The following SCFD2 variants were observed in gnomAD, a reference collection of about 807,000 sequenced individuals.
SCFD2 encodes the protein sec1 family domain containing 2.
Under a neutral mutation model 58.9 loss-of-function variants are expected in SCFD2, and 54 were observed. The observed-to-expected ratio is 0.92, with a 90% CI of 0.74 to 1.15. The LOEUF (loss-of-function observed/expected upper bound fraction) is 1.15. Ranked by LOEUF, SCFD2 falls within the 50% of genes most tolerant of loss-of-function variation. SCFD2 has a pLI of 0.00. For missense variants in SCFD2, 805 were observed against 836.6 expected (o/e 0.96, Z 0.47); for synonymous variants, 321 against 335.9 (o/e 0.96, Z 0.49).
intron 5 of SCFD2, among the ~76,000 whole-genome samples, chr4:53,113,055 C>T (rs1288814521): frequency 2.0e-5 from 3 of 152,094 alleles, no homozygotes; most frequent in African/African-American, 7.2e-5. Flanking sequence ...TTGAGTTACT[C>T]TGTTTACTCT....
intron 4 of SCFD2, among the ~76,000 whole-genome samples, chr4:53,159,645 C>A (rs1014178173): frequency 6.6e-6 from 1 of 152,174 alleles, no homozygotes; most frequent in African/African-American, 2.4e-5. Flanking sequence ...AGCCCAAAGT[C>A]TCAGTCAAAG....
At chr4:53,186,137 A>T (rs572501347) in intron 4 of SCFD2, among the ~76,000 whole-genome samples, 1 of 152,256 alleles carries the variant, frequency 6.6e-6, no homozygotes, top group East Asian at 1.9e-4. Context: ...CTTGATCTTT[A>T]TGACAGTCCT....
chr4:53,197,724 G>A (rs1333610583), intron 4 of SCFD2, among the ~76,000 whole-genome samples: 2 of 117,822 alleles, frequency 1.7e-5, no homozygotes, highest in Admixed American at 1.0e-4. Context: ...GTTCTTTATT[G>A]TAAATATGAC....
intron 3 of SCFD2, among the ~76,000 whole-genome samples, chr4:53,303,505 G>T (rs138891649): frequency 0.015 from 2,261 of 152,246 alleles, 55 homozygotes; most frequent in African/African-American, 0.052. Context: ...CTGTTGGTGG[G>T]ACTGTAAACT....
chr4:53,250,203 A>G (rs1033855966), intron 4 of SCFD2, among the ~76,000 whole-genome samples: 2 of 152,220 alleles, frequency 1.3e-5, no homozygotes, highest in Non-Finnish European at 1.5e-5. Flanking sequence ...AGAGACAAAG[A>G]AGGCCGTTAC....
At chr4:53,007,336 G>A (rs1721995448) in intron 5 of SCFD2, among the ~76,000 whole-genome samples, 1 of 122,932 alleles carries the variant, frequency 8.1e-6, no homozygotes, top group East Asian at 2.4e-4. Flanking sequence ...GAGAGAGAGG[G>A]AGAGAGAGAG....
At chr4:53,112,981 T>G (rs1208741822) in intron 5 of SCFD2, among the ~76,000 whole-genome samples, 1 of 152,042 alleles carries the variant, frequency 6.6e-6, no homozygotes, top group Non-Finnish European at 1.5e-5. Context: ...CCTCTTAAGG[T>G]CTCTTACTGG....
At chr4:52,968,122 G>T (rs1721003742) in intron 5 of SCFD2, among the ~76,000 whole-genome samples, 1 of 151,970 alleles carries the variant, frequency 6.6e-6, no homozygotes. Flanking sequence ...CACCACCCTT[G>T]CAGGGGAATC....
chr4:53,056,503 C>T (rs1326613709), intron 5 of SCFD2, among the ~76,000 whole-genome samples: 2 of 152,202 alleles, frequency 1.3e-5, no homozygotes, highest in East Asian at 3.9e-4. Flanking sequence ...TATGTTTTAT[C>T]CACAACAAAT....
intron 5 of SCFD2, among the ~76,000 whole-genome samples, chr4:53,057,156 C>G (rs188531513): frequency 6.6e-6 from 1 of 152,166 alleles, no homozygotes; most frequent in Non-Finnish European, 1.5e-5. Context: ...CTGCATGCAG[C>G]CTGGGTATAT....
In SCFD2 at chr4:52,903,118, C is replaced by A. The variant is rs530949428; in HGVS notation, c.1842+4339G>T. On this transcript the variant is annotated intron_variant, in intron 7 of 8. Coordinates refer to ENST00000401642, the MANE Select transcript of SCFD2 (RefSeq NM_152540.4). ...TGAATTTCTCAGTCTACAAAATACACCCCTTTATTTCTGTTCTGTTCTCTA... is the reference window on the plus strand; with the variant it reads ...TGAATTTCTCAGTCTACAAAATACAACCCTTTATTTCTGTTCTGTTCTCTA... 2.0e-5 allele frequency among the ~76,000 whole-genome samples: 3 copies of A among 152,306 alleles called. No homozygotes were observed. In the East Asian group the frequency reaches 5.8e-4, roughly 29 times the overall value.
intron 5 of SCFD2, among the ~76,000 whole-genome samples, chr4:52,946,746 G>A (rs563303727): frequency 1.3e-5 from 2 of 152,184 alleles, no homozygotes; most frequent in African/African-American, 4.8e-5. Context: ...TACCAGGATT[G>A]GAACCTCCTA....
intron 5 of SCFD2, among the ~76,000 whole-genome samples, chr4:53,037,275 CCATTTTAAG>C (rs1223205302): frequency 6.6e-6 from 1 of 151,902 alleles, no homozygotes; most frequent in East Asian, 1.9e-4. Flanking sequence ...TATGGTGATT[CCATTTTAAG>C]GACTATATGA....
chr4:52,897,513 G>C (rs529426921), intron 7 of SCFD2, among the ~76,000 whole-genome samples: 18 of 152,306 alleles, frequency 1.2e-4, no homozygotes, highest in African/African-American at 4.1e-4. Context: ...AAGCCCAGTT[G>C]ATCATGGTGG....
At chr4:53,018,848 A>G (rs1722277859) in intron 5 of SCFD2, among the ~76,000 whole-genome samples, 1 of 152,188 alleles carries the variant, frequency 6.6e-6, no homozygotes. Context: ...CCTTTAGACT[A>G]AGGATAGCCA....
intron 3 of SCFD2, among the ~76,000 whole-genome samples, chr4:53,286,269 G>A (rs1731665868): frequency 6.6e-6 from 1 of 152,002 alleles, no homozygotes; most frequent in Non-Finnish European, 1.5e-5. Context: ...CCAATCTGGT[G>A]CCTTGACCCC....
intron 5 of SCFD2, chr4:52,948,743 T>C (rs907164063): frequency 6.4e-6 from 2 of 312,698 alleles, no homozygotes; most frequent in Non-Finnish European, 1.3e-5. Flanking sequence ...CTCCTTTTCC[T>C]GACAGTGTGT....
At chr4:53,290,245 TAAG>T (rs1450146538) in intron 3 of SCFD2, among the ~76,000 whole-genome samples, 3 of 152,046 alleles carry the variant, frequency 2.0e-5, no homozygotes, top group Non-Finnish European at 4.4e-5. Context: ...TTAACAAACT[TAAG>T]AAGATCACAG....
At chr4:53,304,727 A>G (rs900237775) in intron 3 of SCFD2, among the ~76,000 whole-genome samples, 2 of 151,772 alleles carry the variant, frequency 1.3e-5, no homozygotes, top group African/African-American at 2.4e-5. Context: ...TATTCGTCTA[A>G]CCTTTTGTCA....
Sources: allele counts gnomAD v4.1 joint callset (sites outside exome capture counted in the v4.1 genomes callset), GRCh38; gene constraint gnomAD v4.1.1; transcripts MANE v1.5; gene names NCBI Gene and HGNC (gene_info 2026-07-23, HGNC 2026-07-21).